Variants in CARD8 observed in about 807,000 individuals in gnomAD.
The protein encoded by CARD8 is caspase recruitment domain-containing protein 8.
CARD8 carries 38 observed loss-of-function variants against 53.2 expected under a neutral mutation model. The ratio of observed to expected loss-of-function variants is 0.71; its 90% CI spans 0.55 to 0.94. The LOEUF (loss-of-function observed/expected upper bound fraction) is 0.94. Among genes scored for constraint, CARD8 ranks in the 40% least tolerant of loss-of-function variants. The pLI is 0.00. For missense variants in CARD8, 561 were observed against 655.5 expected (o/e 0.86, Z 1.57); for synonymous variants, 245 against 244.9 (o/e 1.00, Z 0.00).
chr19:48,234,335 T>A, intron 6 of CARD8, 68 bp downstream of exon 6: 1 of 1,484,744 alleles, frequency 6.7e-7, no homozygotes, highest in Non-Finnish European at 9.1e-7. Context: ...ATTCCTCTAA[T>A]TCTCATGTTC....
downstream of CARD8, chr19:48,206,384 C>G (rs534750633): frequency 5.1e-5 from 23 of 449,990 alleles, no homozygotes; most frequent in African/African-American, 4.6e-4. Context: ...AAGCGCCTAC[C>G]GTATTGGATA....
chr19:48,232,202 G>A (rs146417394), intron 7 of CARD8: 197 of 587,568 alleles, frequency 3.4e-4, no homozygotes, highest in African/African-American at 2.7e-3. Context: ...GCGAAAGAGC[G>A]TGCATCCTTC....
chr19:48,235,851 A>G (rs539063154), intron 5 of CARD8, among the ~76,000 whole-genome samples: 1 of 152,322 alleles, frequency 6.6e-6, no homozygotes, highest in South Asian at 2.1e-4. Flanking sequence ...AAAGCAAAAA[A>G]AAAGAAAGAA....
chr19:48,207,779 A>T (rs1372327359), downstream of CARD8, among the ~76,000 whole-genome samples: 1 of 119,290 alleles, frequency 8.4e-6, no homozygotes, highest in East Asian at 2.4e-4. Flanking sequence ...TCTGTCAGCC[A>T]GGCTGGAGTG....
chr19:48,237,996 T>C (rs1319748764), intron 5 of CARD8, among the ~76,000 whole-genome samples: 3 of 151,858 alleles, frequency 2.0e-5, no homozygotes, highest in Non-Finnish European at 4.4e-5. Flanking sequence ...GTTTGAGCAA[T>C]TCTCCTGCCT....
chr19:48,229,282 T>C (rs982286065), intron 10 of CARD8, among the ~76,000 whole-genome samples: 1 of 152,140 alleles, frequency 6.6e-6, no homozygotes, highest in Non-Finnish European at 1.5e-5. Flanking sequence ...TTGTTTCTAG[T>C]ATATCAATAA....
At chr19:48,233,195 T>C (rs1251607830) in intron 6 of CARD8, 1 of 371,106 alleles carries the variant, frequency 2.7e-6, no homozygotes, top group African/African-American at 2.1e-5. Flanking sequence ...TTAGCCAATA[T>C]GGGTTCTATG....
At position 48,247,414 on chromosome 19, in the gene CARD8, C is replaced by T. The variant is rs183573231; in HGVS notation, c.-44+2109G>A. On this transcript the variant is annotated intron_variant, in intron 3 of 13. Coordinates refer to ENST00000651546, the MANE Select transcript of CARD8 (RefSeq NM_001184900.3). ...ATGAATAAAGACATCATGATACATC[C>T]GATGATGAAATAATATGCAATTTTA... Among the ~76,000 whole-genome samples, 4 of 151,940 alleles carry T rather than the reference C, an allele frequency of 2.6e-5. No individual in the cohort carries two copies. The East Asian group carries it at 5.8e-4, about 22-fold the overall frequency.
At chr19:48,240,878 C>T (rs1417574217) in intron 4 of CARD8, 84 bp downstream of exon 4, 4 of 1,068,058 alleles carry the variant, frequency 3.7e-6, no homozygotes, top group Admixed American at 4.3e-5. Flanking sequence ...AGAAAACATC[C>T]ATGGTCCTCT....
At chr19:48,244,649 A>C (rs2045807589) in intron 3 of CARD8, among the ~76,000 whole-genome samples, 1 of 152,230 alleles carries the variant, frequency 6.6e-6, no homozygotes, top group African/African-American at 2.4e-5. Context: ...CAGAGTACAG[A>C]AATACTACAA....
Position 48,211,535 on chromosome 19 carries a change from G to A in CARD8, c.*175C>T. On this transcript the variant is annotated 3_prime_UTR_variant, in exon 14 of 14. Transcript: ENST00000651546. The stretch of plus-strand genomic sequence containing the variant: ...TCAGACATTCTTGAGGAAAATGCAT[G>A]AGGATACAGTCAATAGGTACATGCC... 1 of 610,392 alleles carries A rather than the reference G, an allele frequency of 1.6e-6. No homozygotes were observed. Among genetic ancestry groups the A allele is most frequent in the Non-Finnish European group, 2.8e-6 (1 of 353,030 alleles). 37.8% of individuals were successfully genotyped at this position (610,392 alleles called of 1,614,324 possible). A position where few individuals can be genotyped will look rare whatever the true frequency, so the allele number is the denominator to read the frequency against.
At chr19:48,227,426 T>C (rs2042004765) in intron 10 of CARD8, among the ~76,000 whole-genome samples, 2 of 151,694 alleles carry the variant, frequency 1.3e-5, no homozygotes, top group South Asian at 4.2e-4. Flanking sequence ...GAAAGGAGAG[T>C]CCAAGATTCA....
chr19:48,232,772 A>C (rs1382307354), intron 6 of CARD8: 2 of 605,752 alleles, frequency 3.3e-6, no homozygotes, highest in Non-Finnish European at 6.2e-6. Context: ...AAGTTCTCTT[A>C]GACTGGGCGG....
intron 1 of CARD8, among the ~76,000 whole-genome samples, chr19:48,250,942 G>C (rs2046862905): frequency 6.6e-6 from 1 of 152,296 alleles, no homozygotes; most frequent in South Asian, 2.1e-4. Flanking sequence ...GAGATTTTCA[G>C]TTTGCATATG....
intron 5 of CARD8, among the ~76,000 whole-genome samples, chr19:48,235,168 G>C (rs74593481): frequency 0.011 from 1,617 of 152,078 alleles, 13 homozygotes; most frequent in Non-Finnish European, 0.017. Context: ...TGGAACATGA[G>C]AGTCCTATGC....
rs1410390581 is a variant in CARD8, at chr19:48,209,655, T to A, written c.*2055A>T. ...AAAACAAAATATAATATTGATTGAT[T>A]CAACATAAATACTATGGTTTATTTC... is the stretch of plus-strand genomic sequence containing the variant. On this transcript the variant is annotated 3_prime_UTR_variant, in exon 14 of 14. Coordinates refer to ENST00000651546, the MANE Select transcript of CARD8 (RefSeq NM_001184900.3). 6.6e-6 allele frequency: 1 copy of A among 152,204 alleles called. No homozygotes were observed. Among genetic ancestry groups the A allele is most frequent in the Non-Finnish European group, 1.5e-5 (1 of 68,030 alleles). The allele number at this position is 152,204 out of a possible 1,614,324, so 9.4% of individuals were successfully genotyped here. A position where few individuals can be genotyped will look rare whatever the true frequency, so the allele number is the denominator to read the frequency against.
At chr19:48,231,502 G>A (rs577161654) in intron 8 of CARD8, among the ~76,000 whole-genome samples, 158 bp downstream of exon 8, 3 of 151,782 alleles carry the variant, frequency 2.0e-5, no homozygotes, top group East Asian at 1.9e-4. Context: ...ACAGGGTTTC[G>A]TCATGTTGGC....
In CARD8 at chr19:48,241,079, G is replaced by C; in HGVS notation, c.-43-16C>G. 4.4e-6 allele frequency: 6 copies of C among 1,375,000 alleles called. No homozygotes were observed. In the South Asian group the frequency reaches 6.2e-5, roughly 14 times the overall value. 85.2% of individuals were successfully genotyped at this position (1,375,000 alleles called of 1,614,324 possible). A position where few individuals can be genotyped will look rare whatever the true frequency, so the allele number is the denominator to read the frequency against. ...CTTTTTTACCCTGAAAAAATAAAAG[G>C]AGGTTGTATTTAGGTACTTGGGAAG... On this transcript the variant is annotated splice_polypyrimidine_tract_variant and intron_variant, in intron 3 of 13. Transcript: ENST00000651546.
chr19:48,249,728 T>TG (rs1475993202), intron 2 of CARD8, 23 bp downstream of exon 2: 1 of 152,458 alleles, frequency 6.6e-6, no homozygotes, highest in Non-Finnish European at 1.5e-5. Flanking sequence ...AGTCACCACC[T>TG]GCTGCGTTTC....
Sources: gnomAD v4.1 joint callset for allele counts (sites outside exome capture counted in the v4.1 genomes callset) on GRCh38, gnomAD v4.1.1 for gene constraint, MANE v1.5 for transcripts, NCBI Gene and HGNC (gene_info 2026-07-23, HGNC 2026-07-21) for gene names.